The following SLC36A2 variants were observed in gnomAD, a reference collection of about 807,000 sequenced individuals.
SLC36A2 encodes proton-coupled amino acid transporter 2.
In SLC36A2, 39 loss-of-function variants were observed where a neutral mutation model predicts 42.7. The observed-to-expected ratio is 0.91, with a 90% CI of 0.71 to 1.19. SLC36A2 has a LOEUF of 1.19. Among genes scored for constraint, SLC36A2 ranks in the 50% most tolerant of loss-of-function variants. SLC36A2 has a pLI of 0.00. For synonymous variants in SLC36A2, 237 were observed against 240.8 expected, an observed-to-expected ratio of 0.98 and a Z score of 0.15; for missense variants, 590 against 613.7, an observed-to-expected ratio of 0.96 and a Z score of 0.41.
At chr5:151,324,306 C>CT (rs368243458) in intron 8 of SLC36A2, among the ~76,000 whole-genome samples, 1 of 140,820 alleles carries the variant, frequency 7.1e-6, no homozygotes, top group East Asian at 2.2e-4. Context: ...CCATGCCTGG[C>CT]TTATTTATTT....
chr5:151,323,290 G>A (rs115201628), intron 8 of SLC36A2, among the ~76,000 whole-genome samples: 1,710 of 114,660 alleles, frequency 0.015, 30 homozygotes, highest in African/African-American at 0.049. Flanking sequence ...TAAATAAATG[G>A]GTGTGTGTGT....
chr5:151,321,341 C>CTTTTT (rs1319471938), intron 9 of SLC36A2, among the ~76,000 whole-genome samples: 6 of 94,568 alleles, frequency 6.3e-5, no homozygotes, highest in African/African-American at 1.3e-4. Context: ...ATTTTCTTTT[C>CTTTTT]TTTCTTTTTT....
chr5:151,326,902 C>G (rs1255868952), intron 7 of SLC36A2, among the ~76,000 whole-genome samples: 1 of 151,360 alleles, frequency 6.6e-6, no homozygotes, highest in Admixed American at 6.6e-5. Flanking sequence ...ACCTCTGCCT[C>G]CCGAGCTCAA....
At chr5:151,321,209 G>C (rs1755676890) in intron 9 of SLC36A2, among the ~76,000 whole-genome samples, 1 of 151,942 alleles carries the variant, frequency 6.6e-6, no homozygotes, top group Admixed American at 6.6e-5. Context: ...CTGTTGCCCA[G>C]GCTGGAGTGC....
Position 151,322,041 on chromosome 5 carries a change from C to T in SLC36A2, c.1180+5G>A. ...CAGGAACACTGCACTCTCCTTTCTA[C>T]TCACATGTCAGGCAGACCATGACGA... is the stretch of plus-strand genomic sequence containing the variant. On this transcript the variant is annotated splice_donor_5th_base_variant and intron_variant, in intron 9 of 9. Transcript: ENST00000335244. The T allele has an allele frequency of 1.9e-6, 3 of 1,614,176 alleles. No individual in the cohort carries two copies. Among genetic ancestry groups the T allele is most frequent in the Non-Finnish European group, 1.7e-6 (2 of 1,180,018 alleles).
chr5:151,321,035 A>T (rs545389251), intron 9 of SLC36A2, among the ~76,000 whole-genome samples: 1 of 152,236 alleles, frequency 6.6e-6, no homozygotes, highest in Non-Finnish European at 1.5e-5. Context: ...GTTCTACCTC[A>T]TGATAATTGT....
chr5:151,326,241 C>T (rs1006580171), intron 7 of SLC36A2, among the ~76,000 whole-genome samples: 2 of 152,222 alleles, frequency 1.3e-5, no homozygotes, highest in African/African-American at 4.8e-5. Flanking sequence ...GTTTTGACAG[C>T]ACAGTCTTTC....
chr5:151,316,921 G>A lies in SLC36A2; in HGVS notation c.1348C>T (p.Leu450=). 1 of 1,614,086 alleles carries A rather than the reference G, an allele frequency of 6.2e-7. No homozygotes were observed. The highest frequency in any genetic ancestry group is 8.5e-7 in the Non-Finnish European group (1 of 1,179,994). ...CCCACCACAAAGCCCACGAAGCCCA[G>A]GATGCTGATCAGGGCGTCCTTGAAG... is the stretch of plus-strand genomic sequence containing the variant. The part of the protein sequence containing the change: ...TIFKDALISI[L]GFVGFVVGTY... The change falls in exon 10 of 10, where the codon CTG becomes TTG. Residue 450 remains leucine, a synonymous_variant. Transcript: ENST00000335244.
chr5:151,347,222 C>A, intron 1 of SLC36A2, 75 bp downstream of exon 1: 1 of 1,573,778 alleles, frequency 6.4e-7, no homozygotes. Flanking sequence ...GTCAGACACA[C>A]CCACCTCAGG....
chr5:151,316,259 A>T lies in SLC36A2; in HGVS notation c.*558T>A, dbSNP rs1178111373. The T allele has an allele frequency of 6.4e-6, 1 of 155,172 alleles. No individual in the cohort carries two copies. Among genetic ancestry groups the T allele is most frequent in the African/African-American group, 2.4e-5 (1 of 41,466 alleles). The allele number at this position is 155,172 out of a possible 1,614,324, so 9.6% of individuals were successfully genotyped here. A position where few individuals can be genotyped will look rare whatever the true frequency, so the allele number is the denominator to read the frequency against. ...GAAATTCATTGTGTGAATTATCATA[A>T]GCTTGGATAGAGTCCAGAGCCTTCC... On this transcript the variant is annotated 3_prime_UTR_variant, in exon 10 of 10. Coordinates refer to ENST00000335244, the MANE Select transcript of SLC36A2 (RefSeq NM_181776.3).
chr5:151,330,446 C>G (rs538697528), intron 7 of SLC36A2, among the ~76,000 whole-genome samples: 3 of 152,036 alleles, frequency 2.0e-5, no homozygotes, highest in Non-Finnish European at 4.4e-5. Flanking sequence ...CCATATTGTG[C>G]AAAAATATCC....
At chr5:151,330,004 T>A (rs1261480980) in intron 7 of SLC36A2, among the ~76,000 whole-genome samples, 2 of 151,718 alleles carry the variant, frequency 1.3e-5, no homozygotes, top group Non-Finnish European at 2.9e-5. Flanking sequence ...GGTTATACAC[T>A]GGGTGTGTGT....
chr5:151,326,780 T>C (rs1288298615), intron 7 of SLC36A2, among the ~76,000 whole-genome samples: 1 of 151,894 alleles, frequency 6.6e-6, no homozygotes, highest in Non-Finnish European at 1.5e-5. Flanking sequence ...TGATCTGTTT[T>C]CTTATCTGAA....
intron 7 of SLC36A2, among the ~76,000 whole-genome samples, chr5:151,326,078 T>A (rs1755843668): frequency 1.3e-5 from 2 of 151,746 alleles, no homozygotes; most frequent in Non-Finnish European, 2.9e-5. Context: ...GGTAGGAAGA[T>A]GAGGGTAAGG....
intron 1 of SLC36A2, among the ~76,000 whole-genome samples, chr5:151,345,304 G>A (rs1024649186): frequency 1.3e-5 from 2 of 152,168 alleles, no homozygotes; most frequent in Non-Finnish European, 2.9e-5. Context: ...AAGGAGCCCG[G>A]TCTCTGGGAT....
chr5:151,343,302 A>C (rs1756399828), intron 3 of SLC36A2, among the ~76,000 whole-genome samples: 1 of 152,224 alleles, frequency 6.6e-6, no homozygotes, highest in Non-Finnish European at 1.5e-5. Context: ...GGAGCCAACC[A>C]GATAAGCACA....
chr5:151,344,105 C>T (rs1002431607), intron 2 of SLC36A2, 72 bp downstream of exon 2: 1 of 1,423,772 alleles, frequency 7.0e-7, no homozygotes. Flanking sequence ...GGTTGCTAAA[C>T]CGCTAGAGCC....
intron 9 of SLC36A2, among the ~76,000 whole-genome samples, chr5:151,317,601 C>T (rs543446993): frequency 6.6e-6 from 1 of 152,016 alleles, no homozygotes; most frequent in African/African-American, 2.4e-5. Flanking sequence ...GGCATAGTGG[C>T]ACATTTCTGT....
chr5:151,332,056 G>T (rs750030788), intron 7 of SLC36A2, among the ~76,000 whole-genome samples: 1 of 151,966 alleles, frequency 6.6e-6, no homozygotes, highest in Non-Finnish European at 1.5e-5. Context: ...TAGTAGAGAC[G>T]GGGTTTCACT....
Sources: gnomAD v4.1 joint callset for allele counts (sites outside exome capture counted in the v4.1 genomes callset) on GRCh38, gnomAD v4.1.1 for gene constraint, MANE v1.5 for transcripts, NCBI Gene and HGNC (gene_info 2026-07-23, HGNC 2026-07-21) for gene names.